The following ZNF609 variants were observed in gnomAD, a reference collection of about 807,000 sequenced individuals.
ZNF609 encodes zinc finger protein 609.
A neutral mutation model predicts 109.5 loss-of-function variants in ZNF609; 11 were observed. The observed-to-expected ratio is 0.10, with a 90% CI of 0.06 to 0.17. The LOEUF (loss-of-function observed/expected upper bound fraction) is 0.17, where lower values mean the gene tolerates loss of function less well. ZNF609 is among the 10% of genes least tolerant of loss of function. ZNF609 has a pLI of 1.00. For missense variants in ZNF609, 1,559 were observed against 1,772.4 expected (o/e 0.88, Z 2.16); for synonymous variants, 646 against 662.0 (o/e 0.98, Z 0.37).
chr15:64,483,105 T>G (rs1485033702), intron 1 of ZNF609, among the ~76,000 whole-genome samples: 1 of 152,166 alleles, frequency 6.6e-6, no homozygotes, highest in Non-Finnish European at 1.5e-5. Flanking sequence ...CTTTTTTTTT[T>G]TCCCCCTGAG....
chr15:64,480,019 C>G (rs8026239), intron 1 of ZNF609, among the ~76,000 whole-genome samples: 10,926 of 150,160 alleles, frequency 0.073, 693 homozygotes, highest in African/African-American at 0.17. Context: ...GCAGATCACC[C>G]TGAAGTCAGA....
Position 64,549,057 on chromosome 15 carries a change from G to T in ZNF609, c.747+48891G>T, listed in dbSNP as rs138736794. ...TTCCGTTTTGCATAGGAGAAATTCA[G>T]TTTTGCCTGTAGGTCTAAATTCCAC... On this transcript the variant is annotated intron_variant, in intron 2 of 9. Transcript: ENST00000326648. Among the ~76,000 whole-genome samples the T allele has an allele frequency of 1.6e-3, 249 of 152,236 alleles. 1 individual carries two copies. The highest frequency in any genetic ancestry group is 2.8e-3 in the Admixed American group (43 of 15,292).
chr15:64,514,087 CAAAAAA>C (rs371289323), intron 2 of ZNF609, among the ~76,000 whole-genome samples: 1 of 97,064 alleles, frequency 1.0e-5, no homozygotes, highest in Non-Finnish European at 2.2e-5. Flanking sequence ...GCAAGACCCT[CAAAAAA>C]AAAAAAAAAA....
At position 64,499,545 on chromosome 15, in the gene ZNF609, G is replaced by A. The variant is rs1893529174; in HGVS notation, c.126G>A (p.Leu42=). The A allele has an allele frequency of 1.2e-6, 2 of 1,614,144 alleles. No homozygotes were observed. The highest frequency in any genetic ancestry group is 8.5e-7 in the Non-Finnish European group (1 of 1,180,032). The part of the protein sequence containing the change: ...GNLIIDLDAD[L]EKDQQKLEMS... ...TCATCATTGACCTGGACGCCGATCT[G>A]GAAAAGGACCAGCAGAAACTGGAAA... The change falls in exon 2 of 10, where the codon CTG becomes CTA. Residue 42 remains leucine (L), a synonymous_variant. Transcript: ENST00000326648.
intron 1 of ZNF609, among the ~76,000 whole-genome samples, chr15:64,482,273 T>C (rs565179696): frequency 6.6e-6 from 1 of 152,316 alleles, no homozygotes; most frequent in African/African-American, 2.4e-5. Context: ...AAAGTTTTTT[T>C]CTGATTGGAA....
intron 2 of ZNF609, 73 bp downstream of exon 2, chr15:64,500,239 T>G (rs2140351057): frequency 6.4e-7 from 1 of 1,555,274 alleles, no homozygotes; most frequent in African/African-American, 1.4e-5. Flanking sequence ...CCAAATACTA[T>G]GTGTACTCTG....
intron 2 of ZNF609, among the ~76,000 whole-genome samples, chr15:64,591,425 C>T (rs961066507): frequency 6.0e-5 from 9 of 151,018 alleles, no homozygotes; most frequent in Non-Finnish European, 1.3e-4. Context: ...CAGACTCTAT[C>T]TCAAAAAACA....
At chr15:64,593,309 C>G in intron 2 of ZNF609, 2 of 1,384,104 alleles carry the variant, frequency 1.4e-6, no homozygotes, top group Non-Finnish European at 2.0e-6. Context: ...CCCACGTCCC[C>G]CACCAAAGCC....
intron 2 of ZNF609, among the ~76,000 whole-genome samples, chr15:64,563,861 C>T (rs1567015506): frequency 6.6e-6 from 1 of 152,134 alleles, no homozygotes; most frequent in Non-Finnish European, 1.5e-5. Context: ...GGTGGGATTA[C>T]AGGCGTGAGT....
rs556423230 is a variant in ZNF609 at position 64,683,441 on chromosome 15, C to A, written c.*1755C>A. 1 of 152,866 alleles carries A rather than the reference C, an allele frequency of 6.5e-6. No individual in the cohort carries two copies. Among genetic ancestry groups the A allele is most frequent in the African/African-American group, 2.4e-5 (1 of 41,554 alleles). The allele number at this position is 152,866 out of a possible 1,614,324, so 9.5% of individuals were successfully genotyped here. ...AAGAGGATCCCCTCTGATCTACAGG[C>A]CTTTTCCCTAGGTTTCTGCCTCCTC... On this transcript the variant is annotated 3_prime_UTR_variant, in exon 10 of 10. Transcript: ENST00000326648.
chr15:64,582,725 T>TC (rs1415218707), intron 2 of ZNF609, among the ~76,000 whole-genome samples: 1 of 128,590 alleles, frequency 7.8e-6, no homozygotes, highest in Non-Finnish European at 1.5e-5. Flanking sequence ...TCTTTTTTCT[T>TC]TTTTTTTTTT....
chr15:64,509,186 C>G (rs1012596405), intron 2 of ZNF609, among the ~76,000 whole-genome samples: 2 of 152,076 alleles, frequency 1.3e-5, no homozygotes, highest in African/African-American at 4.8e-5. Context: ...ATCTTTAACT[C>G]TTTGTGGACA....
At chr15:64,565,773 A>G (rs1242197110) in intron 2 of ZNF609, among the ~76,000 whole-genome samples, 6 of 152,200 alleles carry the variant, frequency 3.9e-5, no homozygotes, top group African/African-American at 1.4e-4. Flanking sequence ...ACTAAGGAGG[A>G]CAGTGAGTAC....
chr15:64,608,568 C>A (rs1381458025), intron 2 of ZNF609, among the ~76,000 whole-genome samples: 4 of 152,112 alleles, frequency 2.6e-5, no homozygotes, highest in African/African-American at 9.7e-5. Context: ...GTTACATCAC[C>A]ACATCACCAA....
chr15:64,635,083 C>A (rs1253220429), intron 3 of ZNF609, among the ~76,000 whole-genome samples: 1 of 152,100 alleles, frequency 6.6e-6, no homozygotes, highest in Non-Finnish European at 1.5e-5. Flanking sequence ...GCAAAATAGA[C>A]TAATCTCCAG....
At chr15:64,634,661 C>G (rs530841829) in intron 3 of ZNF609, among the ~76,000 whole-genome samples, 1 of 152,174 alleles carries the variant, frequency 6.6e-6, no homozygotes, top group East Asian at 1.9e-4. Flanking sequence ...CAGTACTCAC[C>G]TAGAGGAGAG....
chr15:64,513,210 G>A (rs1283329439), intron 2 of ZNF609, among the ~76,000 whole-genome samples: 1 of 152,084 alleles, frequency 6.6e-6, no homozygotes, highest in Non-Finnish European at 1.5e-5. Context: ...ATTGGCAAAT[G>A]TGGGGAAAAA....
At chr15:64,618,699 C>T (rs577926487) in intron 2 of ZNF609, among the ~76,000 whole-genome samples, 45 of 152,276 alleles carry the variant, frequency 3.0e-4, no homozygotes, top group African/African-American at 6.5e-4. Flanking sequence ...AACTCTGCTT[C>T]GTTCCACGGC....
chr15:64,510,643 G>T (rs546790094), intron 2 of ZNF609, among the ~76,000 whole-genome samples: 1 of 152,278 alleles, frequency 6.6e-6, no homozygotes, highest in East Asian at 1.9e-4. Context: ...TCTACTGGGG[G>T]TTTTTGAATG....
Sources: gnomAD v4.1 joint callset for allele counts (sites outside exome capture counted in the v4.1 genomes callset) on GRCh38, gnomAD v4.1.1 for gene constraint, MANE v1.5 for transcripts, NCBI Gene and HGNC (gene_info 2026-07-23, HGNC 2026-07-21) for gene names.